Variants in CD247 observed in about 807,000 individuals in gnomAD.
The protein encoded by CD247 is T-cell surface glycoprotein CD3 zeta chain.
A neutral mutation model predicts 30.0 loss-of-function variants in CD247; 13 were observed. The ratio of observed to expected loss-of-function variants is 0.43; its 90% CI spans 0.28 to 0.69. CD247 has a LOEUF of 0.69. CD247 is among the 30% of genes least tolerant of loss of function. The pLI is 0.16. For synonymous variants in CD247, 72 were observed against 80.0 expected (o/e 0.90, Z 0.53); for missense variants, 193 against 212.6 (o/e 0.91, Z 0.57).
intron 5 of CD247, chr1:167,434,373 C>A: frequency 2.1e-6 from 1 of 481,758 alleles, no homozygotes; most frequent in Non-Finnish European, 3.8e-6. Context: ...GACAAAGACA[C>A]GGAGACTGGG....
chr1:167,445,141 G>T (rs552808733), intron 1 of CD247, among the ~76,000 whole-genome samples: 5 of 152,162 alleles, frequency 3.3e-5, no homozygotes, highest in East Asian at 1.9e-4. Context: ...GGTCAGGCTG[G>T]TCTCAAACTC....
At chr1:167,516,630 G>A (rs572408854) in intron 1 of CD247, among the ~76,000 whole-genome samples, 1 of 152,220 alleles carries the variant, frequency 6.6e-6, no homozygotes. Flanking sequence ...TTGCCTTACC[G>A]TACCTCGTTT....
intron 4 of CD247, among the ~76,000 whole-genome samples, chr1:167,438,150 T>C (rs945217597): frequency 3.9e-5 from 6 of 152,232 alleles, no homozygotes; most frequent in African/African-American, 1.4e-4. Flanking sequence ...GTATAGTGTC[T>C]ACAAAGCCAA....
chr1:167,491,784 G>A (rs935247258), intron 1 of CD247, among the ~76,000 whole-genome samples: 13 of 152,158 alleles, frequency 8.5e-5, no homozygotes, highest in African/African-American at 1.4e-4. Context: ...ATATTATTTG[G>A]CCTTGAAAAG....
At chr1:167,448,536 G>C (rs1168917854) in intron 1 of CD247, 60 of 985,282 alleles carry the variant, frequency 6.1e-5, no homozygotes, top group Non-Finnish European at 2.4e-6. Context: ...GTGAGGCCAG[G>C]ACTCACACTG....
intron 1 of CD247, among the ~76,000 whole-genome samples, chr1:167,517,120 C>T (rs1655639255): frequency 6.6e-6 from 1 of 152,234 alleles, no homozygotes; most frequent in Non-Finnish European, 1.5e-5. Flanking sequence ...CAAGCTCAGG[C>T]ACCCTCACTC....
intron 1 of CD247, among the ~76,000 whole-genome samples, chr1:167,517,943 T>A (rs1042235683): frequency 6.6e-6 from 1 of 152,214 alleles, no homozygotes; most frequent in African/African-American, 2.4e-5. Context: ...AACAAAATCT[T>A]CTTTGTTGGC....
At chr1:167,491,440 T>C (rs915063748) in intron 1 of CD247, among the ~76,000 whole-genome samples, 4 of 152,220 alleles carry the variant, frequency 2.6e-5, no homozygotes, top group African/African-American at 7.2e-5. Flanking sequence ...TGGTGGCCCA[T>C]GCCTGTAATC....
rs183320828 is a variant in CD247 at position 167,511,910 on chromosome 1, G to T, written c.58+6498C>A. ...TTTTTCTGCTATTTGCCATAGGATG[G>T]TTATGAGGATCCAGTAAACAAAGGC... is the stretch of plus-strand genomic sequence containing the variant. On this transcript the variant is annotated intron_variant, in intron 1 of 7. Coordinates refer to ENST00000362089, the MANE Select transcript of CD247 (RefSeq NM_198053.3). Among the ~76,000 whole-genome samples the T allele has an allele frequency of 2.9e-3, 445 of 152,240 alleles. 1 individual carries two copies. Among genetic ancestry groups the T allele is most frequent in the African/African-American group, 0.01 (426 of 41,526 alleles).
Position 167,516,716 on chromosome 1 carries a change from G to A in CD247, c.58+1692C>T, listed in dbSNP as rs576490243. Among the ~76,000 whole-genome samples the A allele has an allele frequency of 3.1e-4, 47 of 152,268 alleles. 1 individual carries two copies. In the South Asian group the frequency reaches 9.5e-3, roughly 31 times the overall value. On this transcript the variant is annotated intron_variant, in intron 1 of 7. Coordinates refer to ENST00000362089, the MANE Select transcript of CD247 (RefSeq NM_198053.3). ...AGCTAAAATATCAGTCTCCATAGAG[G>A]CAAAGTAAGTGGCACTGAGAAGCAA...
chr1:167,503,102 T>C (rs1321554143), intron 1 of CD247, among the ~76,000 whole-genome samples: 6 of 152,202 alleles, frequency 3.9e-5, no homozygotes, highest in Non-Finnish European at 5.9e-5. Flanking sequence ...AACTTCATCC[T>C]GCTGGCAAGT....
rs199836675 is a variant in CD247, at chr1:167,481,123, CA to C, written c.58+37284del. Among the ~76,000 whole-genome samples the C allele has an allele frequency of 5.7e-3, 870 of 152,158 alleles. 8 individuals are homozygous for C. Among genetic ancestry groups the C allele is most frequent in the African/African-American group, 0.02 (835 of 41,490 alleles). On this transcript the variant is annotated intron_variant, in intron 1 of 7. Transcript: ENST00000362089. ...GCAACATGGTGAAACCCCATCTCTA[CA>C]AAAAATACAGAAATTACCTGTGTGT...
At chr1:167,489,250 T>C (rs1654340144) in intron 1 of CD247, among the ~76,000 whole-genome samples, 1 of 152,176 alleles carries the variant, frequency 6.6e-6, no homozygotes. Flanking sequence ...TTAAACTATA[T>C]ATGATATTAA....
At chr1:167,510,791 T>G (rs1284100788) in intron 1 of CD247, among the ~76,000 whole-genome samples, 4 of 152,160 alleles carry the variant, frequency 2.6e-5, no homozygotes, top group African/African-American at 9.7e-5. Flanking sequence ...ATGGTGATGT[T>G]GGTTTCCATT....
At position 167,466,849 on chromosome 1, in the gene CD247, T is replaced by C. The variant is rs573649882; in HGVS notation, c.59-26082A>G. ...AGAAGTACTTTATCCTCTTCTTTTT[T>C]TTTTTTTTGAGACGAAGTCTCGCTC... On this transcript the variant is annotated intron_variant, in intron 1 of 7. Transcript: ENST00000362089. Among the ~76,000 whole-genome samples, 5 of 152,024 alleles carry C rather than the reference T, an allele frequency of 3.3e-5. 1 individual carries two copies. In the South Asian group the frequency reaches 1.0e-3, roughly 32 times the overall value.
At chr1:167,496,573 G>C in intron 1 of CD247, among the ~76,000 whole-genome samples, 2 of 152,284 alleles carry the variant, frequency 1.3e-5, no homozygotes, top group South Asian at 4.1e-4. Context: ...TCTACAGAGC[G>C]GGCAGAGAGT....
At chr1:167,473,437 A>C (rs1653616058) in intron 1 of CD247, among the ~76,000 whole-genome samples, 1 of 152,146 alleles carries the variant, frequency 6.6e-6, no homozygotes, top group East Asian at 1.9e-4. Flanking sequence ...ACTAGGAGAA[A>C]TGTCATTTAG....
chr1:167,445,080 G>A lies in CD247; in HGVS notation c.59-4313C>T, dbSNP rs1017689920. On this transcript the variant is annotated intron_variant, in intron 1 of 7. Coordinates refer to ENST00000362089, the MANE Select transcript of CD247 (RefSeq NM_198053.3). The stretch of plus-strand genomic sequence containing the variant: ...GGCTGGGATTACAGGTGCACACCAC[G>A]ATGCCCTGCTAATTTTTGTAATTTT... 9.9e-5 allele frequency among the ~76,000 whole-genome samples: 15 copies of A among 152,052 alleles called. 1 individual carries two copies. The highest frequency in any genetic ancestry group is 3.4e-3 in the Middle Eastern group (1 of 294).
intron 1 of CD247, among the ~76,000 whole-genome samples, chr1:167,496,115 A>G (rs1322557333): frequency 2.6e-5 from 4 of 152,182 alleles, no homozygotes; most frequent in African/African-American, 9.7e-5. Context: ...GTAAATAATA[A>G]ATATTGGTTG....
Sources: gnomAD v4.1 joint callset for allele counts (sites outside exome capture counted in the v4.1 genomes callset) on GRCh38, gnomAD v4.1.1 for gene constraint, MANE v1.5 for transcripts, NCBI Gene and HGNC (gene_info 2026-07-23, HGNC 2026-07-21) for gene names.